Variants in MPPED1 observed in about 807,000 individuals in gnomAD.
MPPED1 encodes metallophosphoesterase domain-containing protein 1.
A neutral mutation model predicts 36.2 loss-of-function variants in MPPED1; 16 were observed. The observed-to-expected ratio is 0.44, with a 90% CI of 0.30 to 0.67. The LOEUF is 0.67. Among genes scored for constraint, MPPED1 ranks in the 30% least tolerant of loss-of-function variants. The pLI, the probability that MPPED1 is intolerant of heterozygous loss-of-function variation, is 0.10. For missense variants in MPPED1, 307 were observed against 453.4 expected (o/e 0.68, Z 2.93); for synonymous variants, 199 against 191.3 (o/e 1.04, Z -0.33).
intron 3 of MPPED1, among the ~76,000 whole-genome samples, chr22:43,445,481 C>G (rs903279482): frequency 6.6e-6 from 1 of 151,852 alleles, no homozygotes; most frequent in Admixed American, 6.6e-5. Flanking sequence ...TCCATTCCTC[C>G]CTGAAGAACC....
At chr22:43,468,881 A>G (rs1441393439) in intron 3 of MPPED1, among the ~76,000 whole-genome samples, 1 of 152,070 alleles carries the variant, frequency 6.6e-6, no homozygotes, top group Non-Finnish European at 1.5e-5. Context: ...TGGGTTGATG[A>G]GGGGAGGTGG....
chr22:43,446,921 C>T (rs1175044405), intron 3 of MPPED1, among the ~76,000 whole-genome samples: 1 of 152,314 alleles, frequency 6.6e-6, no homozygotes, highest in South Asian at 2.1e-4. Flanking sequence ...AACAAGAAAA[C>T]ACCATGAACG....
chr22:43,452,548 G>A (rs1010350670), intron 3 of MPPED1, among the ~76,000 whole-genome samples: 2 of 152,196 alleles, frequency 1.3e-5, no homozygotes, highest in African/African-American at 4.8e-5. Flanking sequence ...TGAATAAACA[G>A]AGGGGGGAAG....
At chr22:43,503,481 G>A (rs55813366) in intron 6 of MPPED1, among the ~76,000 whole-genome samples, 8 of 151,970 alleles carry the variant, frequency 5.3e-5, no homozygotes, top group Non-Finnish European at 2.9e-5. Context: ...CCTGGCCTCC[G>A]GAACCTGTGT....
rs760308139 is a variant in MPPED1 at position 43,474,710 on chromosome 22, GTGTC to G, written c.407-18_407-15del. ...GGACAAGCTGACGGCTGTGTGCTGT[GTGTC>G]TGTCTGTGTCCACCCCTGCAGGCAG... On this transcript the variant is annotated intron_variant, in intron 3 of 6. Coordinates refer to ENST00000443721, the MANE Select transcript of MPPED1 (RefSeq NM_001044370.2). The surrounding 1 kb of genome is among the most constrained non-coding windows in gnomAD (Gnocchi z 5.2). 3.7e-6 allele frequency: 6 copies of G among 1,610,776 alleles called. No homozygotes were observed. The highest frequency in any genetic ancestry group is 3.4e-6 in the Non-Finnish European group (4 of 1,177,464).
intron 6 of MPPED1, among the ~76,000 whole-genome samples, chr22:43,504,941 ATGT>A (rs1298281189): frequency 2.1e-5 from 3 of 142,268 alleles, no homozygotes; most frequent in African/African-American, 5.0e-5. Context: ...ATTTTTGATG[ATGT>A]TGGTGATGGC....
At position 43,412,176 on chromosome 22, in the gene MPPED1, CG is replaced by C; in HGVS notation, c.-79+22del. On this transcript the variant is annotated intron_variant, in intron 1 of 6. Coordinates refer to ENST00000443721, the MANE Select transcript of MPPED1 (RefSeq NM_001044370.2). ...GGGGCCAGGTAGGACCGGAGGCGGGCGGGGCGCGGCGGGCGCGGGCGGGAGG... is the reference window on the plus strand; with the variant it reads ...GGGGCCAGGTAGGACCGGAGGCGGGCGGGCGCGGCGGGCGCGGGCGGGAGG... 1.0e-6 allele frequency: 1 copy of C among 976,706 alleles called. No homozygotes were observed. Among genetic ancestry groups the C allele is most frequent in the South Asian group, 4.6e-5 (1 of 21,760 alleles). The allele number at this position is 976,706 out of a possible 1,614,324, so 60.5% of individuals were successfully genotyped here.
chr22:43,444,622 C>A (rs1471502877), intron 3 of MPPED1, among the ~76,000 whole-genome samples: 1 of 151,782 alleles, frequency 6.6e-6, no homozygotes, highest in African/African-American at 2.4e-5. Context: ...CTTGGCCTAC[C>A]AAAGTGTTGG....
chr22:43,495,705 TGGA>T, intron 4 of MPPED1, among the ~76,000 whole-genome samples: 1 of 44,720 alleles, frequency 2.2e-5, no homozygotes. Context: ...GAGGTGGTGA[TGGA>T]GGTGGTGGTG....
intron 3 of MPPED1, among the ~76,000 whole-genome samples, chr22:43,453,080 G>A (rs945840514): frequency 2.0e-5 from 3 of 151,714 alleles, no homozygotes; most frequent in Non-Finnish European, 4.4e-5. Flanking sequence ...CTCCCGAGTA[G>A]CTGGGACTAC....
chr22:43,443,274 G>A (rs1171360442), intron 3 of MPPED1, among the ~76,000 whole-genome samples: 1 of 152,184 alleles, frequency 6.6e-6, no homozygotes, highest in Admixed American at 6.5e-5. Flanking sequence ...TGGGACGAGG[G>A]CATGGATTTT....
intron 4 of MPPED1, among the ~76,000 whole-genome samples, chr22:43,494,694 A>AGAGGTGGTGGTGGTGGTG (rs1932200083): frequency 7.3e-6 from 1 of 136,814 alleles, no homozygotes; most frequent in African/African-American, 2.9e-5. Flanking sequence ...TTTGATTCAC[A>AGAGGTGGTGGTGGTGGTG]GTGGTGGTGG....
At chr22:43,470,895 T>C (rs918756208) in intron 3 of MPPED1, among the ~76,000 whole-genome samples, 4 of 152,236 alleles carry the variant, frequency 2.6e-5, no homozygotes, top group Non-Finnish European at 5.9e-5. Flanking sequence ...AGTTTCTGTG[T>C]TCATAAGTGG....
intron 3 of MPPED1, among the ~76,000 whole-genome samples, chr22:43,447,395 A>G (rs1476091365): frequency 6.6e-6 from 1 of 152,066 alleles, no homozygotes; most frequent in Non-Finnish European, 1.5e-5. Context: ...AAGCCAGAAA[A>G]TCCTGGCCAG....
At chr22:43,430,733 A>G (rs976705239) in intron 2 of MPPED1, among the ~76,000 whole-genome samples, 2 of 151,432 alleles carry the variant, frequency 1.3e-5, no homozygotes, top group South Asian at 2.1e-4. Flanking sequence ...ACCATTTTGC[A>G]CTTTTTTTTT....
intron 2 of MPPED1, among the ~76,000 whole-genome samples, chr22:43,427,312 A>G (rs6003195): frequency 0.068 from 10,335 of 152,222 alleles, 509 homozygotes; most frequent in South Asian, 0.18. Flanking sequence ...GACCCCCTGG[A>G]GAACTGGGTA....
intron 3 of MPPED1, among the ~76,000 whole-genome samples, chr22:43,458,915 T>C (rs1930848762): frequency 6.6e-6 from 1 of 152,192 alleles, no homozygotes; most frequent in African/African-American, 2.4e-5. Flanking sequence ...TTGTGTGTGA[T>C]GAGTGATTGT....
rs141930811 is a variant in MPPED1, at chr22:43,460,248, CAA to C, written c.407-14484_407-14483del. 2.2e-3 allele frequency among the ~76,000 whole-genome samples: 136 copies of C among 62,498 alleles called. 2 individuals carry two copies. The East Asian group carries it at 0.031, about 14-fold the overall frequency. The allele number at this position is 62,498 out of a possible 152,430, so 41.0% of individuals were successfully genotyped here. On this transcript the variant is annotated intron_variant, in intron 3 of 6. Coordinates refer to ENST00000443721, the MANE Select transcript of MPPED1 (RefSeq NM_001044370.2). Reference sequence around the variant, plus strand: ...ACAAAAACAAAAACAAAAACAAAAACAAAAACAAACCCAAACCCCCCCCCCCA... The same window carrying C: ...ACAAAAACAAAAACAAAAACAAAAACAAACAAACCCAAACCCCCCCCCCCA...
intron 3 of MPPED1, among the ~76,000 whole-genome samples, chr22:43,463,688 G>T (rs1167655025): frequency 6.6e-6 from 1 of 152,110 alleles, no homozygotes; most frequent in Non-Finnish European, 1.5e-5. Flanking sequence ...CACCAAGGAT[G>T]TCAATGATAT....
Sources: gnomAD v4.1 joint callset for allele counts (sites outside exome capture counted in the v4.1 genomes callset) on GRCh38, gnomAD v4.1.1 for gene constraint, Gnocchi (gnomAD v3.1) non-coding constraint, MANE v1.5 for transcripts, NCBI Gene and HGNC (gene_info 2026-07-23, HGNC 2026-07-21) for gene names.